Variants in ANGPTL4 observed in about 807,000 individuals in gnomAD.
ANGPTL4 encodes angiopoietin-related protein 4.
In ANGPTL4, 39 loss-of-function variants were observed where a neutral mutation model predicts 39.2. That is an observed-to-expected ratio of 1.00 (90% CI 0.77 to 1.30). ANGPTL4 has a LOEUF of 1.30. Among genes scored for constraint, ANGPTL4 ranks in the 50% most tolerant of loss-of-function variants. ANGPTL4 has a pLI of 0.00. For synonymous variants in ANGPTL4, 233 were observed against 229.5 expected, an observed-to-expected ratio of 1.02 and a Z score of -0.14; for missense variants, 545 against 549.8, an observed-to-expected ratio of 0.99 and a Z score of 0.09.
intron 6 of ANGPTL4, among the ~76,000 whole-genome samples, chr19:8,372,569 C>T (rs984279299): frequency 4.0e-5 from 6 of 148,892 alleles, no homozygotes; most frequent in East Asian, 2.0e-4. Context: ...GAGGCTGAAG[C>T]GAGTGGATCA....
In ANGPTL4 at chr19:8,371,639, C is replaced by T; in HGVS notation, c.1039+117C>T. The T allele has an allele frequency of 6.9e-7, 1 of 1,439,812 alleles. No homozygotes were observed. Among genetic ancestry groups the T allele is most frequent in the Non-Finnish European group, 9.4e-7 (1 of 1,061,564 alleles). 89.2% of individuals were successfully genotyped at this position (1,439,812 alleles called of 1,614,324 possible). On this transcript the variant is annotated intron_variant, in intron 6 of 6. Transcript: ENST00000301455. This position sits in a 1 kb window ranked among gnomAD's most constrained non-coding sequence, Gnocchi z 5.1. ...GTTTCCTGCCCCCACCTCTTCCTTA[C>T]ATGCCGTGTGTGTGATTGGGCCACT... is the stretch of plus-strand genomic sequence containing the variant.
chr19:8,365,931 C>T (rs370940440), intron 1 of ANGPTL4, 23 bp from the exon 2 acceptor site: 1 of 1,604,654 alleles, frequency 6.2e-7, no homozygotes. Flanking sequence ...TGGGTCCTCA[C>T]CAAGGTTTTC....
rs1442836943 is a variant in ANGPTL4 at position 8,364,358 on chromosome 19, C to T, written c.37C>T (p.Leu13Phe). ...TCCGACGGCCGGGGCAGCCCTGATG[C>T]TCTGCGCCGCCACCGCCGTGCTACT... ...GAPTAGAALMLCAATAVLLSA... is the reference protein window; with the variant it reads ...GAPTAGAALMFCAATAVLLSA... The change falls in exon 1 of 7, where the codon CTC (leucine) becomes TTC (phenylalanine). Residue 13 changes from leucine (L) to phenylalanine (F), a missense_variant. Leu to Phe is a conservative substitution (Grantham distance 22). Transcript: ENST00000301455. 4.5e-6 allele frequency: 7 copies of T among 1,549,104 alleles called. No homozygotes were observed. The highest frequency in any genetic ancestry group is 2.4e-5 in the East Asian group (1 of 41,948).
chr19:8,373,738 A>G lies in ANGPTL4; in HGVS notation c.1073A>G (p.Asn358Ser), dbSNP rs1971172895. ...GWWFGTCSHS[N>S]LNGQYFRSIP... ...TGGTTTGGCACCTGCAGCCATTCCAACCTCAACGGCCAGTACTTCCGCTCC... is the reference window on the plus strand; with the variant it reads ...TGGTTTGGCACCTGCAGCCATTCCAGCCTCAACGGCCAGTACTTCCGCTCC... Residue 358 changes from asparagine (N) to serine (S), a missense_variant, in exon 7 of 7, where the codon AAC (asparagine) becomes AGC (serine). Physicochemically the swap from Asn to Ser is conservative, Grantham distance 46. Transcript: ENST00000301455. The G allele has an allele frequency of 6.2e-7, 1 of 1,613,672 alleles. No homozygotes were observed. The highest frequency in any genetic ancestry group is 1.7e-5 in the Admixed American group (1 of 59,986).
intron 6 of ANGPTL4, among the ~76,000 whole-genome samples, chr19:8,372,420 G>T (rs1365712799): frequency 7.0e-5 from 10 of 143,232 alleles, no homozygotes; most frequent in Admixed American, 2.1e-4. Flanking sequence ...TTGAAACAGG[G>T]TCTCACTCTG....
At chr19:8,366,562 G>T (rs552933209) in intron 3 of ANGPTL4, among the ~76,000 whole-genome samples, 3 of 152,190 alleles carry the variant, frequency 2.0e-5, no homozygotes, top group Non-Finnish European at 2.9e-5. Flanking sequence ...AAGCCCTGCT[G>T]ATCACTGATT....
chr19:8,370,749 C>CT (rs1555687939), intron 4 of ANGPTL4, among the ~76,000 whole-genome samples: 3 of 151,194 alleles, frequency 2.0e-5, no homozygotes, highest in Non-Finnish European at 1.5e-5. Context: ...CTGAGAAGTC[C>CT]TTTCCATTAC....
At chr19:8,368,352 C>T (rs1971048502) in intron 3 of ANGPTL4, among the ~76,000 whole-genome samples, 1 of 152,164 alleles carries the variant, frequency 6.6e-6, no homozygotes, top group African/African-American at 2.4e-5. Flanking sequence ...CTGGGGCCTG[C>T]GTGGATGCTG....
intron 4 of ANGPTL4, 111 bp from the exon 5 acceptor site, chr19:8,370,945 G>C: frequency 8.7e-7 from 1 of 1,154,748 alleles, no homozygotes. Context: ...ATGAGTGAGG[G>C]AGCTGCTGTC....
chr19:8,365,586 C>T (rs930491454), intron 1 of ANGPTL4, among the ~76,000 whole-genome samples: 3 of 152,066 alleles, frequency 2.0e-5, no homozygotes, highest in African/African-American at 7.2e-5. Flanking sequence ...GTCTGGGAGG[C>T]AGAGGTTGCA....
chr19:8,373,403 C>CAAAAAAAAAAAAAAAAAAAAA (rs942565010), intron 6 of ANGPTL4, among the ~76,000 whole-genome samples: 1 of 148,402 alleles, frequency 6.7e-6, no homozygotes, highest in African/African-American at 2.5e-5. Context: ...GACTCAGTCT[C>CAAAAAAAAAAAAAAAAAAAAA]AAAAAAAAAG....
rs1412982000 is a variant in ANGPTL4 at position 8,369,229 on chromosome 19, G to A, written c.558G>A (p.Arg186=). 8 of 1,610,912 alleles carry A rather than the reference G, an allele frequency of 5.0e-6. No individual in the cohort carries two copies. Among genetic ancestry groups the A allele is most frequent in the Non-Finnish European group, 6.8e-6 (8 of 1,179,622 alleles). ...TTTATCTCCCTTCAGGGCTGCCCAG[G>A]GATTGCCAGGAGCTGTTCCAGGTTG... is the stretch of plus-strand genomic sequence containing the variant. ...HNVSRLHRLP[R]DCQELFQVGE... Residue 186 remains arginine, a synonymous_variant, in exon 4 of 7, where the codon AGG becomes AGA. Coordinates refer to ENST00000301455, the MANE Select transcript of ANGPTL4 (RefSeq NM_139314.3).
intron 6 of ANGPTL4, among the ~76,000 whole-genome samples, chr19:8,372,250 G>T (rs952846480): frequency 6.6e-6 from 1 of 151,284 alleles, no homozygotes; most frequent in Non-Finnish European, 1.5e-5. Flanking sequence ...GTAGAGACGG[G>T]GTTTCACCAT....
rs1238943588 is a variant in ANGPTL4 at position 8,369,250 on chromosome 19, G to A, written c.579G>A (p.Gln193=). Residue 193 remains glutamine (Q), a synonymous_variant, in exon 4 of 7, where the codon CAG becomes CAA. Transcript: ENST00000301455. Reference sequence around the variant, plus strand: ...CCAGGGATTGCCAGGAGCTGTTCCAGGTTGGGGAGAGGCAGAGTGGACTAT... The same window carrying A: ...CCAGGGATTGCCAGGAGCTGTTCCAAGTTGGGGAGAGGCAGAGTGGACTAT... ...RLPRDCQELF[Q]VGERQSGLFE... The A allele has an allele frequency of 3.7e-6, 6 of 1,611,890 alleles. No individual in the cohort carries two copies. Among genetic ancestry groups the A allele is most frequent in the Middle Eastern group, 1.9e-4 (1 of 5,264 alleles).
rs566465105 is a variant in ANGPTL4 at position 8,373,974 on chromosome 19, G to A, written c.*88G>A. ...TGTGGCCGTTCCCTGCCTGGGCAGG[G>A]GCTCCAAGGAGGGGCCATCTGGAAA... On this transcript the variant is annotated 3_prime_UTR_variant, in exon 7 of 7. Transcript: ENST00000301455. The A allele has an allele frequency of 1.3e-6, 2 of 1,483,948 alleles. No homozygotes were observed. Among genetic ancestry groups the A allele is most frequent in the African/African-American group, 2.8e-5 (2 of 72,078 alleles). 91.9% of individuals were successfully genotyped at this position (1,483,948 alleles called of 1,614,324 possible).
Position 8,371,123 on chromosome 19 carries a change from C to T in ANGPTL4, c.729C>T (p.Ala243=), listed in dbSNP as rs765430634. The change falls in exon 5 of 7, where the codon GCC becomes GCT. Residue 243 remains alanine, a synonymous_variant. Transcript: ENST00000301455. This position sits in a 1 kb window ranked among gnomAD's most constrained non-coding sequence, Gnocchi z 5.1. ...GSVDFNRPWE[A]YKAGFGDPHG... ...TGGACTTCAACCGGCCCTGGGAAGCCTACAAGGCGGGGTTTGGGGATCCCC... is the reference window on the plus strand; with the variant it reads ...TGGACTTCAACCGGCCCTGGGAAGCTTACAAGGCGGGGTTTGGGGATCCCC... 1.2e-6 allele frequency: 2 copies of T among 1,612,852 alleles called. No individual in the cohort carries two copies. The highest frequency in any genetic ancestry group is 3.3e-5 in the Admixed American group (2 of 59,750).
chr19:8,369,620 A>G (rs1302093763), intron 4 of ANGPTL4, among the ~76,000 whole-genome samples: 1 of 151,866 alleles, frequency 6.6e-6, no homozygotes, highest in Non-Finnish European at 1.5e-5. Flanking sequence ...CACCCAGCTA[A>G]TTTTTGTATT....
chr19:8,374,114 G>A lies in ANGPTL4; in HGVS notation c.*228G>A, dbSNP rs1971186265. 1.4e-5 allele frequency: 8 copies of A among 554,198 alleles called. No homozygotes were observed. Among genetic ancestry groups the A allele is most frequent in the South Asian group, 6.1e-5 (3 of 48,858 alleles). The allele number at this position is 554,198 out of a possible 1,614,324, so 34.3% of individuals were successfully genotyped here. On this transcript the variant is annotated 3_prime_UTR_variant, in exon 7 of 7. Transcript: ENST00000301455. ...CAGGATATGCTCAGACTCTAGAGGC[G>A]TGGACCAAGGGGCATGGAGCTTCAC...
At position 8,374,043 on chromosome 19, in the gene ANGPTL4, C is replaced by T. The variant is rs1339272819; in HGVS notation, c.*157C>T. The T allele has an allele frequency of 1.3e-6, 1 of 774,366 alleles. No individual in the cohort carries two copies. The allele number at this position is 774,366 out of a possible 1,614,324, so 48.0% of individuals were successfully genotyped here. ...GACCACGACTGGAGAAGCCCCCTTT[C>T]TGAGTGCAGGGGGGCTGCATGCGTT... On this transcript the variant is annotated 3_prime_UTR_variant, in exon 7 of 7. Coordinates refer to ENST00000301455, the MANE Select transcript of ANGPTL4 (RefSeq NM_139314.3).
Sources: allele counts gnomAD v4.1 joint callset (sites outside exome capture counted in the v4.1 genomes callset), GRCh38; gene constraint gnomAD v4.1.1; non-coding constraint Gnocchi (gnomAD v3.1); transcripts MANE v1.5; gene names NCBI Gene and HGNC (gene_info 2026-07-23, HGNC 2026-07-21).